The following TENM4 variants were observed in gnomAD, a reference collection of about 807,000 sequenced individuals.
The protein encoded by TENM4 is teneurin-4.
A neutral mutation model predicts 243.3 loss-of-function variants in TENM4; 82 were observed. The observed-to-expected ratio is 0.34, with a 90% CI of 0.28 to 0.40. The LOEUF is 0.40. TENM4 is among the 10% of genes least tolerant of loss of function. The probability of loss-of-function intolerance (pLI) is 1.00; values close to 1 mark genes in which losing one functional copy is unlikely to be tolerated. For missense variants in TENM4, 3,138 were observed against 3,673.3 expected (o/e 0.85, Z 3.77); for synonymous variants, 1,412 against 1,456.3 (o/e 0.97, Z 0.69).
intron 6 of TENM4, among the ~76,000 whole-genome samples, chr11:78,917,925 T>C (rs1262983857): frequency 1.3e-5 from 2 of 152,210 alleles, no homozygotes; most frequent in Non-Finnish European, 2.9e-5. Context: ...AGGGTTGCCA[T>C]GAGGATTCAT....
In TENM4 at chr11:78,761,905, G is replaced by A. The variant is rs1019997031; in HGVS notation, c.2540-4884C>T. Among the ~76,000 whole-genome samples, 8 of 152,228 alleles carry A rather than the reference G, an allele frequency of 5.3e-5. No homozygotes were observed. The South Asian group carries it at 1.5e-3, about 28-fold the overall frequency. ...TTATTCTGTTCTGAGTCTCCCTGGC[G>A]CTGATGATCCTGCACGTCTCCCAGG... is the stretch of plus-strand genomic sequence containing the variant. On this transcript the variant is annotated intron_variant, in intron 18 of 33. Transcript: ENST00000278550.
rs34187402 is a variant in TENM4 at position 79,282,816 on chromosome 11, G to GAA, written c.-265+14670_-265+14671dup. 8.7e-4 allele frequency among the ~76,000 whole-genome samples: 129 copies of GAA among 148,230 alleles called. 3 individuals carry two copies. The South Asian group carries it at 0.02, about 23-fold the overall frequency. ...ATTTGTGTGGAAATATTTAAAATTG[G>GAA]AAAAAAAAAAACTGCAGGAAAAAGG... On this transcript the variant is annotated intron_variant, in intron 2 of 33. Coordinates refer to ENST00000278550, the MANE Select transcript of TENM4 (RefSeq NM_001098816.3).
intron 1 of TENM4, among the ~76,000 whole-genome samples, chr11:79,321,858 CT>C (rs1167618617): frequency 3.3e-5 from 5 of 152,110 alleles, no homozygotes; most frequent in Non-Finnish European, 7.4e-5. Flanking sequence ...TTATCAATGA[CT>C]GTTTGGCCTG....
chr11:79,345,144 T>C (rs189622985), intron 1 of TENM4, among the ~76,000 whole-genome samples: 2 of 152,364 alleles, frequency 1.3e-5, no homozygotes, highest in East Asian at 3.9e-4. Context: ...TTGTTCAAAC[T>C]CTTTACCCAC....
chr11:78,746,386 CT>C (rs1359767750), intron 19 of TENM4, among the ~76,000 whole-genome samples: 4 of 152,244 alleles, frequency 2.6e-5, no homozygotes, highest in Non-Finnish European at 4.4e-5. Flanking sequence ...CTGTGGCCTC[CT>C]AGCTAAGCAT....
chr11:78,890,121 G>T, intron 8 of TENM4, 101 bp from the exon 9 acceptor site: 1 of 914,684 alleles, frequency 1.1e-6, no homozygotes, highest in South Asian at 1.7e-5. Flanking sequence ...AGCATGCAGA[G>T]GAGCCTGGAT....
At chr11:79,393,939 G>C (rs1858288342) in intron 1 of TENM4, among the ~76,000 whole-genome samples, 1 of 152,126 alleles carries the variant, frequency 6.6e-6, no homozygotes, top group South Asian at 2.1e-4. Context: ...TGGAGGAAGA[G>C]GGTGACACTG....
rs1301030104 is a variant in TENM4 at position 79,159,700 on chromosome 11, C to G, written c.-162-10894G>C. Among the ~76,000 whole-genome samples, 3 of 152,308 alleles carry G rather than the reference C, an allele frequency of 2.0e-5. No individual in the cohort carries two copies. The East Asian group carries it at 5.8e-4, about 29-fold the overall frequency. On this transcript the variant is annotated intron_variant, in intron 3 of 33. Transcript: ENST00000278550. ...GTCCTGCCCTACAACCCCAGTCTTG[C>G]TGCCGATCGCATCTGTCCAGAAAAG...
intron 1 of TENM4, among the ~76,000 whole-genome samples, chr11:79,430,429 T>C (rs938006581): frequency 7.9e-5 from 12 of 152,166 alleles, no homozygotes; most frequent in African/African-American, 1.9e-4. Context: ...GAGCCTGCCA[T>C]TCACAAGCCC....
rs144545439 is a variant in TENM4, at chr11:79,326,212, G to A, written c.-320-28669C>T. Among the ~76,000 whole-genome samples, 124 of 152,276 alleles carry A rather than the reference G, an allele frequency of 8.1e-4. No homozygotes were observed. In the Middle Eastern group the frequency reaches 0.014, roughly 17 times the overall value. The stretch of plus-strand genomic sequence containing the variant: ...CCGCGGCCTGCAGAATGAAGTACAA[G>A]CTTCTAGACAGTCGTGGAAGGCCTT... On this transcript the variant is annotated intron_variant, in intron 1 of 33. Transcript: ENST00000278550.
intron 3 of TENM4, among the ~76,000 whole-genome samples, chr11:79,173,153 A>G (rs1863084463): frequency 6.6e-6 from 1 of 152,240 alleles, no homozygotes; most frequent in Admixed American, 6.5e-5. Context: ...CACAGTCGAC[A>G]TGTATTTATT....
chr11:79,305,067 C>G (rs1245800121), intron 1 of TENM4, among the ~76,000 whole-genome samples: 1 of 152,128 alleles, frequency 6.6e-6, no homozygotes, highest in Non-Finnish European at 1.5e-5. Context: ...TTCTACTCAC[C>G]CTCTTTCATT....
At chr11:79,221,658 C>T (rs1258331641) in intron 2 of TENM4, among the ~76,000 whole-genome samples, 1 of 151,930 alleles carries the variant, frequency 6.6e-6, no homozygotes, top group East Asian at 1.9e-4. Flanking sequence ...CTGTCCTGAA[C>T]GTCAAAGAGC....
At chr11:79,187,127 A>T (rs542548853) in intron 3 of TENM4, among the ~76,000 whole-genome samples, 1 of 152,274 alleles carries the variant, frequency 6.6e-6, no homozygotes. Context: ...TAATGATATG[A>T]TAATGCTTTT....
chr11:79,176,387 G>A (rs905164490), intron 3 of TENM4, among the ~76,000 whole-genome samples: 1 of 152,108 alleles, frequency 6.6e-6, no homozygotes, highest in Non-Finnish European at 1.5e-5. Context: ...TGAATCTGTT[G>A]CCTGAATCCT....
chr11:78,973,825 C>T (rs769120490), intron 6 of TENM4, among the ~76,000 whole-genome samples: 12 of 151,302 alleles, frequency 7.9e-5, no homozygotes, highest in East Asian at 2.0e-4. Context: ...ATGGCATGGG[C>T]GTGTTATTTT....
intron 6 of TENM4, among the ~76,000 whole-genome samples, chr11:78,958,045 T>C (rs1376868593): frequency 6.6e-6 from 1 of 152,248 alleles, no homozygotes; most frequent in Admixed American, 6.5e-5. Context: ...CATGCCCTTA[T>C]GACCAATGAC....
intron 12 of TENM4, among the ~76,000 whole-genome samples, chr11:78,839,539 C>T (rs1419450561): frequency 6.6e-6 from 1 of 151,924 alleles, no homozygotes. Flanking sequence ...AATAGTTTTT[C>T]AGTTAATGTT....
At chr11:78,963,600 G>C (rs1005615410) in intron 6 of TENM4, among the ~76,000 whole-genome samples, 1 of 152,140 alleles carries the variant, frequency 6.6e-6, no homozygotes, top group Non-Finnish European at 1.5e-5. Context: ...GGGGCTCTAA[G>C]GGGGAGGTGG....
Sources: gnomAD v4.1 joint callset for allele counts (sites outside exome capture counted in the v4.1 genomes callset) on GRCh38, gnomAD v4.1.1 for gene constraint, MANE v1.5 for transcripts, NCBI Gene and HGNC (gene_info 2026-07-23, HGNC 2026-07-21) for gene names.